Variants in DLAT observed in about 807,000 individuals in gnomAD.
DLAT encodes dihydrolipoamide S-acetyltransferase, also known as dihydrolipoyllysine-residue acetyltransferase component of pyruvate dehydrogenase complex, mitochondrial.
In DLAT, 43 loss-of-function variants were observed where a neutral mutation model predicts 68.0. The observed-to-expected ratio is 0.63, with a 90% CI of 0.50 to 0.81. The LOEUF (loss-of-function observed/expected upper bound fraction) is 0.81, where lower values mean the gene tolerates loss of function less well. Among genes scored for constraint, DLAT ranks in the 40% least tolerant of loss-of-function variants. DLAT has a pLI of 0.00. For missense variants in DLAT, 745 were observed against 815.4 expected (o/e 0.91, Z 1.05); for synonymous variants, 265 against 288.6 (o/e 0.92, Z 0.83).
At chr11:112,037,574 A>T (rs370696689) in intron 6 of DLAT, 114 bp downstream of exon 6, 3 of 1,001,092 alleles carry the variant, frequency 3.0e-6, no homozygotes, top group African/African-American at 3.3e-5. Context: ...ATGACTGAGG[A>T]GGGAGATAGT....
rs1331830376 is a variant in DLAT, at chr11:112,063,712, A to ATT, written c.*1179_*1180dup. On this transcript the variant is annotated 3_prime_UTR_variant, in exon 14 of 14. Coordinates refer to ENST00000280346, the MANE Select transcript of DLAT (RefSeq NM_001931.5). Reference sequence around the variant, plus strand: ...AAAAAATTAACTAGGTTGCTACTTTATTTGCCTAAATACTTTTTTCTATTT... The same window carrying ATT: ...AAAAAATTAACTAGGTTGCTACTTTATTTTTGCCTAAATACTTTTTTCTATTT... The ATT allele has an allele frequency of 1.3e-5, 2 of 152,504 alleles. No individual in the cohort carries two copies. Among genetic ancestry groups the ATT allele is most frequent in the African/African-American group, 4.8e-5 (2 of 41,440 alleles). 9.4% of individuals were successfully genotyped at this position (152,504 alleles called of 1,614,324 possible).
intron 10 of DLAT, among the ~76,000 whole-genome samples, chr11:112,050,678 C>G (rs1555181888): frequency 6.6e-6 from 1 of 152,136 alleles, no homozygotes; most frequent in African/African-American, 2.4e-5. Context: ...GTAATGTCCC[C>G]TATTTCACTC....
In DLAT at chr11:112,040,331, G is replaced by T. The variant is rs996594170; in HGVS notation, c.1129+934G>T. Among the ~76,000 whole-genome samples, 69 of 152,158 alleles carry T rather than the reference G, an allele frequency of 4.5e-4. 1 individual carries two copies. The highest frequency in any genetic ancestry group is 2.5e-3 in the Admixed American group (38 of 15,282). ...ATGTACACAACACTTCTTGAAGTAAGAATTATCATTCCTTATTTTCTGGAT... is the reference window on the plus strand; with the variant it reads ...ATGTACACAACACTTCTTGAAGTAATAATTATCATTCCTTATTTTCTGGAT... On this transcript the variant is annotated intron_variant, in intron 7 of 13. Coordinates refer to ENST00000280346, the MANE Select transcript of DLAT (RefSeq NM_001931.5).
intron 11 of DLAT, among the ~76,000 whole-genome samples, chr11:112,055,847 A>ATTTTTTTTTTTTTTTTTTTTT (rs1566635432): frequency 2.0e-5 from 1 of 49,670 alleles, no homozygotes; most frequent in African/African-American, 7.0e-5. Context: ...GCATATAGAC[A>ATTTTTTTTTTTTTTTTTTTTT]CTTTTTTTTT....
chr11:112,056,556 A>G (rs372964719), intron 11 of DLAT, among the ~76,000 whole-genome samples: 22 of 152,320 alleles, frequency 1.4e-4, no homozygotes, highest in African/African-American at 5.3e-4. Flanking sequence ...GTTTAATCGT[A>G]TCAATATACC....
Position 112,025,752 on chromosome 11 carries a change from GT to G in DLAT, c.279+2del. The G allele has an allele frequency of 1.9e-6, 3 of 1,613,140 alleles. No homozygotes were observed. The highest frequency in any genetic ancestry group is 2.5e-6 in the Non-Finnish European group (3 of 1,179,976). ...TTACAGTCTTCCCCCGCATCAGAAG[GT>G]GAGCCCTAGACCCCCCTTCTCGGGA... On this transcript the variant is annotated splice_donor_variant, in intron 1 of 13. Coordinates refer to ENST00000280346, the MANE Select transcript of DLAT (RefSeq NM_001931.5). LOFTEE classifies it high-confidence loss of function.
At chr11:112,033,603 T>C in intron 5 of DLAT, 73 bp downstream of exon 5, 1 of 1,538,014 alleles carries the variant, frequency 6.5e-7, no homozygotes, top group Non-Finnish European at 9.0e-7. Flanking sequence ...CATTCTTTCC[T>C]ATAATGAGTG....
At chr11:112,044,645 C>A (rs957390909) in intron 8 of DLAT, among the ~76,000 whole-genome samples, 1 of 152,050 alleles carries the variant, frequency 6.6e-6, no homozygotes, top group Admixed American at 6.5e-5. Context: ...ACACTTAAAA[C>A]ATGACTTCAG....
In DLAT at chr11:112,033,454, ATGGGAAAAAAAAG is replaced by A; in HGVS notation, c.716_728del (p.Glu239ValfsTer4). 6.2e-7 allele frequency: 1 copy of A among 1,613,948 alleles called. No homozygotes were observed. Among genetic ancestry groups the A allele is most frequent in the African/African-American group, 1.3e-5 (1 of 75,038 alleles). On this transcript the variant is annotated frameshift_variant, in exon 5 of 14. Transcript: ENST00000280346. LOFTEE classifies it high-confidence loss of function. ...CCATGACCATGGGCACAGTTCAGAG[ATGGGAAAAAAAAG>A]TGGGTGAGAAGCTAAGTGAAGGAGA...
At chr11:112,027,743 T>C (rs1592656409) in intron 2 of DLAT, among the ~76,000 whole-genome samples, 2 of 151,018 alleles carry the variant, frequency 1.3e-5, no homozygotes, top group South Asian at 2.1e-4. Context: ...ACCAAAAAAA[T>C]ACGAAAACCA....
chr11:112,043,656 T>A, intron 8 of DLAT, 123 bp downstream of exon 8: 1 of 969,610 alleles, frequency 1.0e-6, no homozygotes, highest in Non-Finnish European at 1.7e-6. Flanking sequence ...TTCAGTGGTT[T>A]AATAATACAG....
chr11:112,027,223 C>T (rs1389983111), intron 2 of DLAT, among the ~76,000 whole-genome samples: 12 of 146,784 alleles, frequency 8.2e-5, no homozygotes, highest in Admixed American at 4.8e-4. Flanking sequence ...ACTTCTCAGA[C>T]GGGGCGGCCG....
intron 5 of DLAT, among the ~76,000 whole-genome samples, chr11:112,036,202 T>TGTGTGTGTGTG (rs61074225): frequency 2.4e-4 from 5 of 21,236 alleles, no homozygotes; most frequent in African/African-American, 6.9e-4. Context: ...TGTGTGTGTG[T>TGTGTGTGTGTG]TTTTTTTTTT....
chr11:112,060,629 T>C (rs1423255218), intron 12 of DLAT, among the ~76,000 whole-genome samples: 4 of 151,940 alleles, frequency 2.6e-5, no homozygotes, highest in Non-Finnish European at 5.9e-5. Context: ...TAATTTTGTG[T>C]GTGTGTGTAT....
Position 112,033,420 on chromosome 11 carries a change from T to G in DLAT, c.677T>G (p.Leu226Arg). 6.2e-7 allele frequency: 1 copy of G among 1,613,730 alleles called. No homozygotes were observed. Among genetic ancestry groups the G allele is most frequent in the Middle Eastern group, 1.7e-4 (1 of 6,058 alleles). The part of the protein sequence containing the change: ...PPHMQVLLPA[L>R]SPTMTMGTVQ... ...TTTCTGCAGGTACTTCTTCCTGCCC[T>G]CTCTCCCACCATGACCATGGGCACA... The change falls in exon 5 of 14, where the codon CTC (leucine) becomes CGC (arginine). Residue 226 changes from leucine (L) to arginine (R), a missense_variant. Coordinates refer to ENST00000280346, the MANE Select transcript of DLAT (RefSeq NM_001931.5).
At chr11:112,032,883 A>T (rs1434428370) in intron 4 of DLAT, among the ~76,000 whole-genome samples, 5 of 152,174 alleles carry the variant, frequency 3.3e-5, no homozygotes, top group African/African-American at 1.2e-4. Flanking sequence ...CCTGGCCAAC[A>T]TGGTAAAACC....
chr11:112,028,736 A>G (rs1273760067), intron 3 of DLAT, 56 bp from the exon 4 acceptor site: 6 of 1,613,856 alleles, frequency 3.7e-6, no homozygotes, highest in Non-Finnish European at 5.1e-6. Context: ...TTTTAAGACT[A>G]CTTTTGTGAA....
intron 13 of DLAT, among the ~76,000 whole-genome samples, chr11:112,062,097 GC>G (rs1555183334): frequency 6.6e-6 from 1 of 152,110 alleles, no homozygotes; most frequent in Non-Finnish European, 1.5e-5. Context: ...GGGACATATG[GC>G]TGCTGTTGCA....
At chr11:112,058,078 T>G (rs1864217162) in intron 11 of DLAT, among the ~76,000 whole-genome samples, 1 of 152,184 alleles carries the variant, frequency 6.6e-6, no homozygotes, top group Admixed American at 6.5e-5. Flanking sequence ...AAGATATTTC[T>G]ATACTTAGAT....
Sources: gnomAD v4.1 joint callset for allele counts (sites outside exome capture counted in the v4.1 genomes callset) on GRCh38, gnomAD v4.1.1 for gene constraint, MANE v1.5 for transcripts, NCBI Gene and HGNC (gene_info 2026-07-23, HGNC 2026-07-21) for gene names.